RANBP17: variants seen among roughly 807,000 people sequenced by gnomAD.
RANBP17 encodes RAN binding protein 17, also known as ran-binding protein 17.
In RANBP17, 158 loss-of-function variants were observed where a neutral mutation model predicts 141.2. That is an observed-to-expected ratio of 1.12 (90% CI 0.98 to 1.28). The LOEUF (loss-of-function observed/expected upper bound fraction) is 1.28, where lower values mean the gene tolerates loss of function less well. Ranked by LOEUF, RANBP17 falls within the 50% of genes most tolerant of loss-of-function variation. The pLI is 0.00. For missense variants in RANBP17, 1,438 were observed against 1,290.7 expected (o/e 1.11, Z -1.75); for synonymous variants, 430 against 450.0 (o/e 0.96, Z 0.56).
chr5:171,006,675 A>G (rs1424176408), intron 14 of RANBP17, among the ~76,000 whole-genome samples: 5 of 151,828 alleles, frequency 3.3e-5, no homozygotes, highest in Admixed American at 2.0e-4. Context: ...CAGCACACCA[A>G]CATGGCACAT....
chr5:171,095,424 TTTCTA>T (rs1454361820), intron 14 of RANBP17, among the ~76,000 whole-genome samples: 1 of 152,172 alleles, frequency 6.6e-6, no homozygotes, highest in Non-Finnish European at 1.5e-5. Context: ...TTGTCAGTCT[TTTCTA>T]TTTTATTATC....
chr5:171,082,886 G>GAAA (rs11418055), intron 14 of RANBP17, among the ~76,000 whole-genome samples: 3 of 145,126 alleles, frequency 2.1e-5, no homozygotes, highest in African/African-American at 5.1e-5. Flanking sequence ...CCTCTTTAAA[G>GAAA]AAAAAAAAAA....
chr5:171,100,122 A>G (rs1259394078), intron 14 of RANBP17, among the ~76,000 whole-genome samples: 1 of 152,218 alleles, frequency 6.6e-6, no homozygotes, highest in East Asian at 1.9e-4. Context: ...GCCTCATAAA[A>G]TGAGTTAGGG....
chr5:171,182,764 T>C (rs1157086800), intron 16 of RANBP17, among the ~76,000 whole-genome samples: 1 of 138,488 alleles, frequency 7.2e-6, no homozygotes, highest in Non-Finnish European at 1.5e-5. Flanking sequence ...TTGAATAATT[T>C]TCTCTTTTTT....
chr5:171,184,833 C>A (rs1761125062), intron 18 of RANBP17, among the ~76,000 whole-genome samples: 1 of 152,070 alleles, frequency 6.6e-6, no homozygotes, highest in South Asian at 2.1e-4. Context: ...TGTGTAATGT[C>A]ATGATGTAGA....
At chr5:171,171,957 C>G (rs1760128871) in intron 16 of RANBP17, among the ~76,000 whole-genome samples, 1 of 151,866 alleles carries the variant, frequency 6.6e-6, no homozygotes. Context: ...ACAGTATTGT[C>G]ATATTTCTAA....
intron 14 of RANBP17, among the ~76,000 whole-genome samples, chr5:171,125,198 G>A (rs571677810): frequency 6.6e-6 from 1 of 151,790 alleles, no homozygotes; most frequent in Non-Finnish European, 1.5e-5. Context: ...TCGGGAGGCT[G>A]AGGCATGAGA....
At chr5:170,902,073 G>C (rs965623512) in intron 5 of RANBP17, among the ~76,000 whole-genome samples, 21 of 152,172 alleles carry the variant, frequency 1.4e-4, no homozygotes, top group African/African-American at 4.8e-4. Context: ...AGCCTGTCTT[G>C]GCGGGTTGGG....
chr5:171,071,569 C>G (rs1403569884), intron 14 of RANBP17, among the ~76,000 whole-genome samples: 1 of 142,698 alleles, frequency 7.0e-6, no homozygotes, highest in Non-Finnish European at 1.5e-5. Context: ...TATCAACTGA[C>G]TGTTGGCAGA....
chr5:171,078,821 T>C (rs566212315), intron 14 of RANBP17, among the ~76,000 whole-genome samples: 1 of 152,340 alleles, frequency 6.6e-6, no homozygotes, highest in East Asian at 1.9e-4. Context: ...GACCACACAC[T>C]TGGTCATGCA....
At chr5:171,141,450 A>C (rs11739757) in intron 14 of RANBP17, among the ~76,000 whole-genome samples, 2 of 149,128 alleles carry the variant, frequency 1.3e-5, no homozygotes, top group African/African-American at 5.0e-5. Context: ...AAAAAAAAAT[A>C]CAAAAAATTA....
chr5:171,237,054 C>G (rs1764586722), intron 22 of RANBP17, among the ~76,000 whole-genome samples: 2 of 152,078 alleles, frequency 1.3e-5, no homozygotes. Flanking sequence ...AAGGATGGGT[C>G]TCAGGAGAAA....
At chr5:171,252,862 T>C in intron 24 of RANBP17, 1 of 1,341,012 alleles carries the variant, frequency 7.5e-7, no homozygotes, top group Non-Finnish European at 1.1e-6. Flanking sequence ...TTTTTGGTTG[T>C]TGTTTGATGA....
At chr5:171,241,585 T>C (rs1326916685) in intron 23 of RANBP17, among the ~76,000 whole-genome samples, 2 of 152,188 alleles carry the variant, frequency 1.3e-5, no homozygotes, top group East Asian at 1.9e-4. Flanking sequence ...GAGGACTTCC[T>C]TGTAGTAGAA....
intron 22 of RANBP17, among the ~76,000 whole-genome samples, chr5:171,228,645 G>A (rs549347238): frequency 6.6e-6 from 1 of 152,142 alleles, no homozygotes; most frequent in Non-Finnish European, 1.5e-5. Context: ...TTTTGTGAAA[G>A]GAAGTCAATT....
At chr5:171,138,686 C>T (rs1320667340) in intron 14 of RANBP17, among the ~76,000 whole-genome samples, 1 of 152,050 alleles carries the variant, frequency 6.6e-6, no homozygotes, top group African/African-American at 2.4e-5. Context: ...GACAAATATG[C>T]CATGGTTATA....
intron 5 of RANBP17, chr5:170,896,795 A>G (rs1028451935): frequency 1.2e-5 from 5 of 401,164 alleles, no homozygotes; most frequent in Middle Eastern, 8.0e-4. Context: ...GTGCCACTGC[A>G]CTCCACCCTG....
chr5:171,268,904 C>T (rs753523761), intron 25 of RANBP17, among the ~76,000 whole-genome samples: 2 of 152,152 alleles, frequency 1.3e-5, no homozygotes, highest in African/African-American at 2.4e-5. Flanking sequence ...GGGCAGGAGA[C>T]AAATCAAGTT....
rs560610065 is a variant in RANBP17, at chr5:171,020,910, C to G, written c.1710+52533C>G. 7.2e-5 allele frequency among the ~76,000 whole-genome samples: 11 copies of G among 152,206 alleles called. No individual in the cohort carries two copies. The East Asian group carries it at 1.3e-3, about 19-fold the overall frequency. On this transcript the variant is annotated intron_variant, in intron 14 of 27. Coordinates refer to ENST00000523189, the MANE Select transcript of RANBP17 (RefSeq NM_022897.5). Reference sequence around the variant, plus strand: ...TGGTGTGTTTTTGCAGTGGCTGGTACCAGTTTTTCCTTTCCATATTTAGTG... The same window carrying G: ...TGGTGTGTTTTTGCAGTGGCTGGTAGCAGTTTTTCCTTTCCATATTTAGTG...
Sources: gnomAD v4.1 joint callset for allele counts (sites outside exome capture counted in the v4.1 genomes callset) on GRCh38, gnomAD v4.1.1 for gene constraint, MANE v1.5 for transcripts, NCBI Gene and HGNC (gene_info 2026-07-23, HGNC 2026-07-21) for gene names.